Variants in LYRM4 observed in about 807,000 individuals in gnomAD.
LYRM4 encodes LYR motif containing 4, also known as LYR motif-containing protein 4.
Under a neutral mutation model 11.7 loss-of-function variants are expected in LYRM4, and 9 were observed. The ratio of observed to expected loss-of-function variants is 0.77; its 90% CI spans 0.46 to 1.34. The LOEUF (loss-of-function observed/expected upper bound fraction) is 1.34. Ranked by LOEUF, LYRM4 falls within the 40% of genes most tolerant of loss-of-function variation. The pLI, the probability that LYRM4 is intolerant of heterozygous loss-of-function variation, is 0.00. For synonymous variants in LYRM4, 42 were observed against 40.4 expected, an observed-to-expected ratio of 1.04 and a Z score of -0.15; for missense variants, 133 against 112.5, an observed-to-expected ratio of 1.18 and a Z score of -0.82.
intron 2 of LYRM4, among the ~76,000 whole-genome samples, chr6:5,182,727 T>C (rs1351532739): frequency 6.6e-6 from 1 of 152,208 alleles, no homozygotes; most frequent in African/African-American, 2.4e-5. Flanking sequence ...TTTAGACACA[T>C]CCTTTAATCA....
chr6:5,045,158 CA>C, the LYRM4 span, among the ~76,000 whole-genome samples: 1 of 152,178 alleles, frequency 6.6e-6, no homozygotes. Flanking sequence ...GAGATATTTG[CA>C]CATTTCATCC....
the LYRM4 span, among the ~76,000 whole-genome samples, chr6:5,073,957 G>T: frequency 6.6e-6 from 1 of 152,030 alleles, no homozygotes; most frequent in Non-Finnish European, 1.5e-5. Context: ...GAGCACAGGG[G>T]GCCACAGAAG....
intron 2 of LYRM4, among the ~76,000 whole-genome samples, chr6:5,147,326 T>A (rs189124526): frequency 2.0e-5 from 3 of 152,248 alleles, no homozygotes; most frequent in African/African-American, 7.2e-5. Context: ...TGTGTAGTTA[T>A]GGTCTAGCTA....
Position 5,197,283 on chromosome 6 carries a change from G to C in LYRM4, c.207+19335C>G, listed in dbSNP as rs571639329. The stretch of plus-strand genomic sequence containing the variant: ...TATGACACACTGAGTTGGTTGAAGG[G>C]GGGGGCCAAGTGCCTGAGTTGGCTG... On this transcript the variant is annotated intron_variant, in intron 2 of 2. Transcript: ENST00000330636. 4.6e-5 allele frequency among the ~76,000 whole-genome samples: 7 copies of C among 152,272 alleles called. No homozygotes were observed. The East Asian group carries it at 5.8e-4, about 13-fold the overall frequency.
At chr6:5,066,320 G>A in the LYRM4 span, 8 of 714,730 alleles carry the variant, frequency 1.1e-5, no homozygotes, top group African/African-American at 8.8e-5. Flanking sequence ...AGTTCTATTC[G>A]TCCAAATTTA....
chr6:5,038,352 G>A, the LYRM4 span, among the ~76,000 whole-genome samples: 4 of 52,062 alleles, frequency 7.7e-5, no homozygotes, highest in African/African-American at 2.2e-4. Flanking sequence ...GGCGCTCCTC[G>A]CTTCCTAGAT....
At chr6:5,120,757 TAC>T (rs910558389) in intron 2 of LYRM4, among the ~76,000 whole-genome samples, 1 of 152,178 alleles carries the variant, frequency 6.6e-6, no homozygotes, top group Non-Finnish European at 1.5e-5. Flanking sequence ...GGTGCATTTT[TAC>T]AGAGCACTGA....
At chr6:5,116,313 C>T (rs529493823) in intron 2 of LYRM4, among the ~76,000 whole-genome samples, 36 of 152,122 alleles carry the variant, frequency 2.4e-4, no homozygotes, top group Middle Eastern at 6.8e-3. Flanking sequence ...GGCTAGAATC[C>T]GGGGGATTCT....
the LYRM4 span, among the ~76,000 whole-genome samples, chr6:5,050,161 G>C: frequency 6.6e-6 from 1 of 152,352 alleles, no homozygotes; most frequent in South Asian, 2.1e-4. Flanking sequence ...TGGAACTTTG[G>C]TGTCTACTGA....
Position 5,260,941 on chromosome 6 carries a change from G to C in LYRM4, c.-208C>G, listed in dbSNP as rs907722945. The C allele has an allele frequency of 7.4e-7, 1 of 1,344,366 alleles. No individual in the cohort carries two copies. The highest frequency in any genetic ancestry group is 9.5e-7 in the Non-Finnish European group (1 of 1,051,772). The allele number at this position is 1,344,366 out of a possible 1,614,324, so 83.3% of individuals were successfully genotyped here. A position where few individuals can be genotyped will look rare whatever the true frequency, so the allele number is the denominator to read the frequency against. ...CCGCGCCGCTTCGGGGGCGGGCGCAGGCAGGGCTCGGGGCAGCTAAGGGGG... is the reference window on the plus strand; with the variant it reads ...CCGCGCCGCTTCGGGGGCGGGCGCACGCAGGGCTCGGGGCAGCTAAGGGGG... On this transcript the variant is annotated 5_prime_UTR_variant, in exon 1 of 3. Transcript: ENST00000330636.
rs1464864207 is a variant in LYRM4 at position 5,260,576 on chromosome 6, C to G, written c.86+72G>C. 4.0e-6 allele frequency: 6 copies of G among 1,518,698 alleles called. No individual in the cohort carries two copies. In the African/African-American group the frequency reaches 7.0e-5, roughly 18 times the overall value. The allele number at this position is 1,518,698 out of a possible 1,614,324, so 94.1% of individuals were successfully genotyped here. On this transcript the variant is annotated intron_variant, in intron 1 of 2. Transcript: ENST00000330636. ...GTGGCTCCCAGTCCCCGGGGATATT[C>G]CGCGTCAGCCCGCACCCCCGGTCCC...
intron 2 of LYRM4, among the ~76,000 whole-genome samples, chr6:5,172,889 C>T (rs1324532505): frequency 1.3e-5 from 2 of 152,172 alleles, no homozygotes; most frequent in African/African-American, 4.8e-5. Flanking sequence ...CAGCCAGTTA[C>T]ATTCTACTCT....
At chr6:5,192,920 G>A (rs1433320792) in intron 2 of LYRM4, among the ~76,000 whole-genome samples, 1 of 152,154 alleles carries the variant, frequency 6.6e-6, no homozygotes. Flanking sequence ...CAGCTACTCG[G>A]GAGGCTGAGG....
chr6:5,231,960 G>T (rs1347385741), intron 1 of LYRM4, among the ~76,000 whole-genome samples: 1 of 152,124 alleles, frequency 6.6e-6, no homozygotes, highest in Non-Finnish European at 1.5e-5. Flanking sequence ...TTACTTTAAA[G>T]AACTTGAGGA....
the LYRM4 span, among the ~76,000 whole-genome samples, chr6:5,076,117 C>G: frequency 6.6e-6 from 1 of 151,912 alleles, no homozygotes; most frequent in South Asian, 2.1e-4. Flanking sequence ...GCTAATTTTT[C>G]TATTTTTTTG....
downstream of LYRM4, chr6:5,105,819 A>C (rs1459311517): frequency 1.3e-5 from 2 of 153,066 alleles, no homozygotes; most frequent in Non-Finnish European, 2.9e-5. Flanking sequence ...GTCTCAAAAA[A>C]ACAAAACAAA....
chr6:5,164,745 A>T lies in LYRM4; in HGVS notation c.207+51873T>A, dbSNP rs560359047. On this transcript the variant is annotated intron_variant, in intron 2 of 2. Coordinates refer to ENST00000330636, the MANE Select transcript of LYRM4 (RefSeq NM_020408.6). ...CACTTTGGGAGGCCCAGGCAGGCTG[A>T]TCACTTGAGGTCAGGAGTTTGAGAC... Among the ~76,000 whole-genome samples, 3 of 152,258 alleles carry T rather than the reference A, an allele frequency of 2.0e-5. No homozygotes were observed. In the South Asian group the frequency reaches 6.2e-4, roughly 32 times the overall value.
intron 1 of LYRM4, among the ~76,000 whole-genome samples, chr6:5,228,448 T>G (rs1763026934): frequency 6.6e-6 from 1 of 152,032 alleles, no homozygotes; most frequent in Non-Finnish European, 1.5e-5. Flanking sequence ...GGCTAATTTT[T>G]GTATATCTTA....
intron 2 of LYRM4, among the ~76,000 whole-genome samples, chr6:5,122,806 G>C (rs568196510): frequency 2.6e-5 from 4 of 152,330 alleles, no homozygotes; most frequent in African/African-American, 9.6e-5. Flanking sequence ...CCGTCTGCAC[G>C]GTTTCCCAGT....
Sources: allele counts gnomAD v4.1 joint callset (sites outside exome capture counted in the v4.1 genomes callset), GRCh38; gene constraint gnomAD v4.1.1; transcripts MANE v1.5; gene names NCBI Gene and HGNC (gene_info 2026-07-23, HGNC 2026-07-21).